SH3BGRL2: variants seen among roughly 807,000 people sequenced by gnomAD.
SH3BGRL2 encodes the protein SH3 domain binding glutamate rich protein like 2.
In SH3BGRL2, 21 loss-of-function variants were observed where a neutral mutation model predicts 14.8. The ratio of observed to expected loss-of-function variants is 1.42; its 90% CI spans 1.01 to 2.05. SH3BGRL2 has a LOEUF of 2.05. Ranked by LOEUF, SH3BGRL2 falls within the 30% of genes most tolerant of loss-of-function variation. The probability of loss-of-function intolerance (pLI) is 0.00; values close to 1 mark genes in which losing one functional copy is unlikely to be tolerated. For missense variants in SH3BGRL2, 147 were observed against 130.8 expected (o/e 1.12, Z -0.61); for synonymous variants, 50 against 47.8 (o/e 1.05, Z -0.19).
chr6:79,637,370 T>C (rs1212182983), intron 1 of SH3BGRL2, among the ~76,000 whole-genome samples: 2 of 152,200 alleles, frequency 1.3e-5, no homozygotes, highest in Non-Finnish European at 2.9e-5. Context: ...ACTAATTTTT[T>C]TTTAGCCAAG....
At chr6:79,583,532 C>G in the SH3BGRL2 span, among the ~76,000 whole-genome samples, 2 of 152,118 alleles carry the variant, frequency 1.3e-5, no homozygotes, top group African/African-American at 4.8e-5. Flanking sequence ...ATCACAAGGA[C>G]AGAAAACTAA....
intron 1 of SH3BGRL2, among the ~76,000 whole-genome samples, chr6:79,640,491 G>A (rs1043594614): frequency 2.0e-5 from 3 of 152,194 alleles, no homozygotes; most frequent in African/African-American, 7.2e-5. Context: ...TACAAACTTA[G>A]GCACTTTTAG....
intron 1 of SH3BGRL2, among the ~76,000 whole-genome samples, chr6:79,667,168 T>C (rs1256099377): frequency 6.6e-6 from 1 of 152,228 alleles, no homozygotes; most frequent in Non-Finnish European, 1.5e-5. Flanking sequence ...TCAGAAGGAC[T>C]CTGACACTGC....
chr6:79,672,786 A>T (rs1017641668), intron 1 of SH3BGRL2, among the ~76,000 whole-genome samples: 2 of 152,194 alleles, frequency 1.3e-5, no homozygotes, highest in Non-Finnish European at 2.9e-5. Flanking sequence ...AAAACTTTGC[A>T]GAGATGGATT....
At chr6:79,658,816 C>G (rs1192794023) in intron 1 of SH3BGRL2, among the ~76,000 whole-genome samples, 1 of 152,144 alleles carries the variant, frequency 6.6e-6, no homozygotes, top group South Asian at 2.1e-4. Flanking sequence ...TGTTTCCTGA[C>G]TTTTAATGAT....
At chr6:79,622,821 A>G in the SH3BGRL2 span, among the ~76,000 whole-genome samples, 1 of 152,232 alleles carries the variant, frequency 6.6e-6, no homozygotes, top group African/African-American at 2.4e-5. Flanking sequence ...CAATTTAAAG[A>G]AATGCAAATT....
intron 1 of SH3BGRL2, among the ~76,000 whole-genome samples, chr6:79,656,664 A>C (rs981444368): frequency 6.6e-6 from 1 of 152,218 alleles, no homozygotes; most frequent in Non-Finnish European, 1.5e-5. Flanking sequence ...GGTAACCACT[A>C]TTTACATAGC....
the SH3BGRL2 span, among the ~76,000 whole-genome samples, chr6:79,603,060 C>A: frequency 1.3e-5 from 2 of 152,218 alleles, no homozygotes; most frequent in African/African-American, 4.8e-5. Flanking sequence ...AGAAAACAAG[C>A]CTAAGTGCTG....
intron 2 of SH3BGRL2, among the ~76,000 whole-genome samples, chr6:79,675,662 T>C (rs1769866369): frequency 6.6e-6 from 1 of 152,212 alleles, no homozygotes; most frequent in African/African-American, 2.4e-5. Context: ...ATTCGATTTT[T>C]GTTCTTTCTG....
the SH3BGRL2 span, among the ~76,000 whole-genome samples, chr6:79,619,652 T>C: frequency 6.6e-6 from 1 of 152,216 alleles, no homozygotes; most frequent in African/African-American, 2.4e-5. Context: ...GAGATGAAGA[T>C]AAGCAGGACC....
At chr6:79,589,274 T>C in the SH3BGRL2 span, among the ~76,000 whole-genome samples, 1 of 150,876 alleles carries the variant, frequency 6.6e-6, no homozygotes, top group Non-Finnish European at 1.5e-5. Flanking sequence ...AGAGGCCAAC[T>C]ATAATTGATT....
At chr6:79,565,074 G>C in the SH3BGRL2 span, among the ~76,000 whole-genome samples, 3,880 of 152,144 alleles carry the variant, frequency 0.026, 61 homozygotes, top group Middle Eastern at 0.075. Context: ...TAAGATAATT[G>C]CTCTTTTTTT....
chr6:79,694,043 T>C (rs912923796), intron 2 of SH3BGRL2, among the ~76,000 whole-genome samples: 1 of 152,214 alleles, frequency 6.6e-6, no homozygotes, highest in African/African-American at 2.4e-5. Flanking sequence ...TGGAAGATCA[T>C]GAATTGTCGT....
upstream of SH3BGRL2, among the ~76,000 whole-genome samples, chr6:79,630,632 A>G (rs532572388): frequency 2.0e-5 from 3 of 152,234 alleles, no homozygotes; most frequent in East Asian, 3.9e-4. Context: ...TGGGGCAGGT[A>G]GGGTCCTGAT....
At chr6:79,574,327 A>G in the SH3BGRL2 span, 12 of 152,232 alleles carry the variant, frequency 7.9e-5, no homozygotes, top group African/African-American at 2.4e-4. Flanking sequence ...GTTTGTTTGC[A>G]GATTCTCTGG....
chr6:79,642,542 T>G (rs934245864), intron 1 of SH3BGRL2, among the ~76,000 whole-genome samples: 1 of 152,086 alleles, frequency 6.6e-6, no homozygotes, highest in Non-Finnish European at 1.5e-5. Flanking sequence ...GGAGCCTTGA[T>G]TGGGATCAGC....
rs1202179978 is a variant in SH3BGRL2, at chr6:79,631,432, C to A, written c.-30C>A. 6.6e-7 allele frequency: 1 copy of A among 1,515,400 alleles called. No homozygotes were observed. Among genetic ancestry groups the A allele is most frequent in the Middle Eastern group, 1.8e-4 (1 of 5,686 alleles). The allele number at this position is 1,515,400 out of a possible 1,614,324, so 93.9% of individuals were successfully genotyped here. A position where few individuals can be genotyped will look rare whatever the true frequency, so the allele number is the denominator to read the frequency against. ...CCACGCCAGCCCGGAGCCCGGGGGG[C>A]AAGGGGTCTGTCCCGGGCGCAGCGA... is the stretch of plus-strand genomic sequence containing the variant. On this transcript the variant is annotated 5_prime_UTR_variant, in exon 1 of 4. Transcript: ENST00000369838.
At chr6:79,620,312 AT>A in the SH3BGRL2 span, among the ~76,000 whole-genome samples, 107 of 148,412 alleles carry the variant, frequency 7.2e-4, 1 homozygote, top group East Asian at 2.6e-3. Flanking sequence ...AAATTTAAAG[AT>A]TTTTTTTTTT....
chr6:79,540,492 G>A, the SH3BGRL2 span, among the ~76,000 whole-genome samples: 1 of 152,028 alleles, frequency 6.6e-6, no homozygotes, highest in Non-Finnish European at 1.5e-5. Context: ...TACCTAGAAA[G>A]TGGGCTGCTC....
Sources: gnomAD v4.1 joint callset for allele counts (sites outside exome capture counted in the v4.1 genomes callset) on GRCh38, gnomAD v4.1.1 for gene constraint, MANE v1.5 for transcripts, NCBI Gene and HGNC (gene_info 2026-07-23, HGNC 2026-07-21) for gene names.